ABCB5: variants seen among roughly 807,000 people sequenced by gnomAD.
ABCB5 encodes ATP-binding cassette sub-family B member 5.
ABCB5 carries 155 observed loss-of-function variants against 144.2 expected under a neutral mutation model. The observed-to-expected ratio is 1.08, with a 90% CI of 0.94 to 1.23. The LOEUF (loss-of-function observed/expected upper bound fraction) is 1.23. ABCB5 is among the 50% of genes most tolerant of loss of function. ABCB5 has a pLI of 0.00. For missense variants in ABCB5, 1,830 were observed against 1,520.8 expected (o/e 1.20, Z -3.38); for synonymous variants, 610 against 528.6 (o/e 1.15, Z -2.11).
intron 5 of ABCB5, among the ~76,000 whole-genome samples, chr7:20,637,258 T>C (rs539314766): frequency 5.8e-4 from 88 of 152,296 alleles, no homozygotes; most frequent in African/African-American, 2.0e-3. Context: ...AGCTTTATAA[T>C]TTTAATGTTA....
At chr7:20,669,578 A>G (rs1276293073) in intron 14 of ABCB5, among the ~76,000 whole-genome samples, 1 of 11,516 alleles carries the variant, frequency 8.7e-5, no homozygotes, top group African/African-American at 3.5e-4. Flanking sequence ...GTACCCAGGG[A>G]CACAAACACT....
intron 11 of ABCB5, among the ~76,000 whole-genome samples, chr7:20,648,759 C>G (rs1784490557): frequency 6.6e-6 from 1 of 152,200 alleles, no homozygotes; most frequent in Non-Finnish European, 1.5e-5. Context: ...TTTCTAATGT[C>G]TGCTACAGAA....
intron 26 of ABCB5, among the ~76,000 whole-genome samples, chr7:20,748,742 A>G (rs1212764136): frequency 6.6e-6 from 1 of 151,748 alleles, no homozygotes; most frequent in Non-Finnish European, 1.5e-5. Flanking sequence ...ACATGGCCAC[A>G]GTGGCAGTGT....
rs564049468 is a variant in ABCB5, at chr7:20,745,319, A to C, written c.3310A>C (p.Asn1104His). 2.4e-5 allele frequency: 38 copies of C among 1,614,108 alleles called. No homozygotes were observed. The South Asian group carries it at 4.2e-4, about 18-fold the overall frequency. The change falls in exon 26 of 28, where the codon AAC (asparagine) becomes CAC (histidine). Residue 1104 changes from asparagine to histidine, a missense_variant. Transcript: ENST00000404938. Reference protein sequence around the residue: ...AIVPQEPVLFNCSIAENIAYG... With the variant: ...AIVPQEPVLFHCSIAENIAYG... Reference sequence around the variant, plus strand: ...CGTTCCTCAAGAGCCTGTGCTCTTCAACTGCAGCATTGCTGAGAACATCGC... The same window carrying C: ...CGTTCCTCAAGAGCCTGTGCTCTTCCACTGCAGCATTGCTGAGAACATCGC...
intron 20 of ABCB5, among the ~76,000 whole-genome samples, chr7:20,713,209 C>T (rs765756582): frequency 6.8e-6 from 1 of 146,396 alleles, no homozygotes; most frequent in Non-Finnish European, 1.5e-5. Flanking sequence ...TATCATAGGT[C>T]TTATTTTGCC....
At chr7:20,693,140 T>A (rs114741072) in intron 16 of ABCB5, among the ~76,000 whole-genome samples, 1 of 151,968 alleles carries the variant, frequency 6.6e-6, no homozygotes, top group Non-Finnish European at 1.5e-5. Context: ...CAAGTCTCAA[T>A]AAACTTTTAA....
At chr7:20,632,157 C>T (rs777808029) in intron 5 of ABCB5, 44 bp downstream of exon 5, 2 of 1,323,040 alleles carry the variant, frequency 1.5e-6, no homozygotes, top group South Asian at 1.6e-5. Flanking sequence ...TTGAATGATG[C>T]TTTATTTAAA....
intron 5 of ABCB5, among the ~76,000 whole-genome samples, chr7:20,636,991 A>G (rs976282539): frequency 1.3e-5 from 2 of 152,138 alleles, no homozygotes; most frequent in Non-Finnish European, 2.9e-5. Flanking sequence ...CATGACAAAT[A>G]CGGATAGTAA....
At chr7:20,675,159 G>T (rs1258526289) in intron 14 of ABCB5, among the ~76,000 whole-genome samples, 1 of 151,800 alleles carries the variant, frequency 6.6e-6, no homozygotes. Context: ...AAATTAATAA[G>T]AAACCACAAA....
intron 16 of ABCB5, among the ~76,000 whole-genome samples, chr7:20,697,651 T>C (rs901622368): frequency 6.6e-6 from 1 of 152,226 alleles, no homozygotes; most frequent in Non-Finnish European, 1.5e-5. Context: ...GTGCTTTCTC[T>C]GTATAAAACC....
chr7:20,741,822 T>C lies in ABCB5; in HGVS notation c.3025-1055T>C, dbSNP rs77868398. On this transcript the variant is annotated intron_variant, in intron 24 of 27. Transcript: ENST00000404938. ...CACACACAAATCCACTACTCCTTAG[T>C]TGTTTAGTCTAACAACAAAAATTAA... Among the ~76,000 whole-genome samples the C allele has an allele frequency of 7.0e-3, 1,060 of 152,190 alleles. 24 individuals carry two copies. The East Asian group carries it at 0.091, about 13-fold the overall frequency.
At position 20,641,173 on chromosome 7, in the gene ABCB5, C is replaced by T. The variant is rs185992542; in HGVS notation, c.315-2011C>T. On this transcript the variant is annotated intron_variant, in intron 5 of 27. Coordinates refer to ENST00000404938, the MANE Select transcript of ABCB5 (RefSeq NM_001163941.2). ...GTCTAAATGTGAACTCTATGTCCTG[C>T]AAATCTTGTCTTTGTCCCAGTCTCT... Among the ~76,000 whole-genome samples the T allele has an allele frequency of 3.3e-5, 5 of 152,266 alleles. No individual in the cohort carries two copies. The East Asian group carries it at 9.6e-4, about 29-fold the overall frequency.
At position 20,681,124 on chromosome 7, in the gene ABCB5, C is replaced by A. The variant is rs868835994; in HGVS notation, c.1708-381C>A. On this transcript the variant is annotated intron_variant, in intron 14 of 27. Transcript: ENST00000404938. ...TCTTTCTTTCTTTCTTTCTTTCTTT[C>A]TTTTTCTTTCTGTCTTCTTTTTTGA... Among the ~76,000 whole-genome samples, 71 of 112,378 alleles carry A rather than the reference C, an allele frequency of 6.3e-4. 2 individuals are homozygous for A. Among genetic ancestry groups the A allele is most frequent in the African/African-American group, 2.2e-3 (67 of 30,644 alleles). The allele number at this position is 112,378 out of a possible 152,430, so 73.7% of individuals were successfully genotyped here.
At chr7:20,689,088 C>T (rs1786116397) in intron 16 of ABCB5, among the ~76,000 whole-genome samples, 1 of 151,956 alleles carries the variant, frequency 6.6e-6, no homozygotes, top group East Asian at 1.9e-4. Flanking sequence ...GCACGTTGTG[C>T]ACATGTACCC....
intron 16 of ABCB5, among the ~76,000 whole-genome samples, chr7:20,694,509 T>C (rs909717187): frequency 2.6e-5 from 4 of 152,034 alleles, no homozygotes; most frequent in East Asian, 1.9e-4. Flanking sequence ...GCTAACATCA[T>C]ACTAAATGGT....
intron 5 of ABCB5, chr7:20,641,489 C>G (rs1784294563): frequency 6.6e-6 from 1 of 152,640 alleles, no homozygotes; most frequent in Admixed American, 6.6e-5. Flanking sequence ...TTGAGGACAG[C>G]CTGGGCAACA....
At position 20,727,135 on chromosome 7, in the gene ABCB5, A is replaced by G; in HGVS notation, c.2721A>G (p.Gln907=). 6.2e-7 allele frequency: 1 copy of G among 1,612,318 alleles called. No homozygotes were observed. The highest frequency in any genetic ancestry group is 1.3e-5 in the African/African-American group (1 of 74,996). The part of the protein sequence containing the change: ...EQMYEEMLQT[Q]HRNTSKKAQI... The stretch of plus-strand genomic sequence containing the variant: ...TGTATGAAGAGATGCTTCAGACTCA[A>G]CACAGGTGATTATAGATTCATACTG... The change falls in exon 22 of 28, where the codon CAA becomes CAG. Residue 907 remains glutamine, a synonymous_variant. Transcript: ENST00000404938.
chr7:20,665,766 G>GATATACAT (rs764584750), intron 14 of ABCB5, among the ~76,000 whole-genome samples: 1 of 131,318 alleles, frequency 7.6e-6, no homozygotes, highest in Non-Finnish European at 1.6e-5. Flanking sequence ...TAGATAGATA[G>GATATACAT]AGATACATAC....
At position 20,641,306 on chromosome 7, in the gene ABCB5, T is replaced by C. The variant is rs190313612; in HGVS notation, c.315-1878T>C. 2.0e-5 allele frequency among the ~76,000 whole-genome samples: 3 copies of C among 151,872 alleles called. No individual in the cohort carries two copies. In the East Asian group the frequency reaches 5.8e-4, roughly 29 times the overall value. On this transcript the variant is annotated intron_variant, in intron 5 of 27. Transcript: ENST00000404938. ...TCCTCATATCCAATACATTGGCATT[T>C]TTTTCAGGAAGAATCTATTAAACAA...
Sources: allele counts gnomAD v4.1 joint callset (sites outside exome capture counted in the v4.1 genomes callset), GRCh38; gene constraint gnomAD v4.1.1; transcripts MANE v1.5; gene names NCBI Gene and HGNC (gene_info 2026-07-23, HGNC 2026-07-21).